The following RIF1 variants were observed in gnomAD, a reference collection of about 807,000 sequenced individuals.
RIF1 encodes telomere-associated protein RIF1.
Under a neutral mutation model 247.1 loss-of-function variants are expected in RIF1, and 45 were observed. The ratio of observed to expected loss-of-function variants is 0.18; its 90% CI spans 0.14 to 0.23. RIF1 has a LOEUF of 0.23. Among genes scored for constraint, RIF1 ranks in the 10% least tolerant of loss-of-function variants. The pLI, the probability that RIF1 is intolerant of heterozygous loss-of-function variation, is 1.00. For missense variants in RIF1, 2,967 were observed against 2,862.5 expected, an observed-to-expected ratio of 1.04 and a Z score of -0.83; for synonymous variants, 1,087 against 978.8, an observed-to-expected ratio of 1.11 and a Z score of -2.06.
chr2:151,530,279 G>A, the RIF1 span, among the ~76,000 whole-genome samples: 1 of 152,172 alleles, frequency 6.6e-6, no homozygotes, highest in Admixed American at 6.5e-5. Context: ...AGGAGGGAAA[G>A]GCACAGAGAA....
downstream of RIF1, among the ~76,000 whole-genome samples, chr2:151,484,808 A>G (rs922986683): frequency 1.3e-5 from 2 of 152,142 alleles, no homozygotes; most frequent in African/African-American, 2.4e-5. Flanking sequence ...CAAATTCCCT[A>G]AGGGCATCAA....
chr2:151,421,877 C>G (rs1386836064), intron 7 of RIF1, among the ~76,000 whole-genome samples: 1 of 151,672 alleles, frequency 6.6e-6, no homozygotes. Context: ...AATTGTTGCC[C>G]AGGCTGGAGT....
the RIF1 span, chr2:151,516,471 C>T: frequency 6.2e-7 from 1 of 1,611,146 alleles, no homozygotes; most frequent in Non-Finnish European, 8.5e-7. Flanking sequence ...CACTCTGCAT[C>T]TGCTGAGACT....
intron 35 of RIF1, 114 bp downstream of exon 35, chr2:151,474,186 GTT>G (rs2048796573): frequency 1.5e-6 from 1 of 664,016 alleles, no homozygotes; most frequent in African/African-American, 1.8e-5. Flanking sequence ...ATTATTTTAT[GTT>G]TAATGTGAAG....
chr2:151,516,464 T>C, the RIF1 span: 6 of 1,608,316 alleles, frequency 3.7e-6, no homozygotes, highest in East Asian at 1.3e-4. Context: ...CTTACCCCAC[T>C]CTGCATCTGC....
rs373646075 is a variant in RIF1 at position 151,437,073 on chromosome 2, GA to G, written c.1372+71del. 208 of 1,392,070 alleles carry G rather than the reference GA, an allele frequency of 1.5e-4. 1 individual carries two copies. In the East Asian group the frequency reaches 3.0e-3, roughly 20 times the overall value. The allele number at this position is 1,392,070 out of a possible 1,614,324, so 86.2% of individuals were successfully genotyped here. A position where few individuals can be genotyped will look rare whatever the true frequency, so the allele number is the denominator to read the frequency against. On this transcript the variant is annotated intron_variant, in intron 12 of 35. Coordinates refer to ENST00000444746, the MANE Select transcript of RIF1 (RefSeq NM_018151.5). The stretch of plus-strand genomic sequence containing the variant: ...AGGACTTAATGCATTGGGGTGAGGA[GA>G]GGTGTTATTTTGTCGCAGCCAAAAT...
chr2:151,414,171 A>G (rs1686783541), intron 3 of RIF1, among the ~76,000 whole-genome samples: 1 of 152,014 alleles, frequency 6.6e-6, no homozygotes, highest in Non-Finnish European at 1.5e-5. Flanking sequence ...AAATATAGGC[A>G]TGGTGGCGCG....
the RIF1 span, chr2:151,513,799 C>T: frequency 1.3e-6 from 1 of 781,508 alleles, no homozygotes; most frequent in Non-Finnish European, 2.1e-6. Context: ...CCAGTTGTCA[C>T]AGATAGTGTC....
Position 151,463,619 on chromosome 2 carries a change from T to G in RIF1, c.4099T>G (p.Leu1367Val), listed in dbSNP as rs2152498440. Residue 1367 changes from leucine to valine, a missense_variant, in exon 30 of 36, where the codon TTA becomes GTA. This residue lies in a region of RIF1 where 2,028 missense variants were observed against 1,825.6 expected (regional missense o/e 1.11). Transcript: ENST00000444746. ...LKAATVENAVLLETNTVEEKN... is the reference protein window; with the variant it reads ...LKAATVENAVVLETNTVEEKN... ...AGCAGCAACAGTGGAAAATGCTGTA[T>G]TATTGGAAACTAATACTGTAGAGGA... 6.2e-7 allele frequency: 1 copy of G among 1,613,774 alleles called. No homozygotes were observed. Among genetic ancestry groups the G allele is most frequent in the East Asian group, 2.2e-5 (1 of 44,860 alleles).
chr2:151,421,325 A>G (rs1461348782), intron 7 of RIF1, among the ~76,000 whole-genome samples: 1 of 152,218 alleles, frequency 6.6e-6, no homozygotes, highest in Admixed American at 6.5e-5. Context: ...GGACATTTGA[A>G]CAGTGATTTG....
intron 11 of RIF1, chr2:151,502,857 C>A: frequency 6.2e-7 from 1 of 1,602,958 alleles, no homozygotes; most frequent in Non-Finnish European, 8.5e-7. Context: ...TGTTGGGATT[C>A]CTTTCCCCAA....
At chr2:151,455,558 C>T (rs537319977) in intron 22 of RIF1, among the ~76,000 whole-genome samples, 2 of 151,944 alleles carry the variant, frequency 1.3e-5, no homozygotes, top group East Asian at 1.9e-4. Flanking sequence ...AACCCTGGAT[C>T]GAAACTATTT....
chr2:151,491,996 A>ATT, intron 9 of RIF1: 1 of 1,272,430 alleles, frequency 7.9e-7, no homozygotes, highest in South Asian at 1.4e-5. Context: ...AGAAAAACAG[A>ATT]TTGAAGTCCT....
chr2:151,443,506 A>AT (rs770170185), intron 17 of RIF1, 23 bp from the exon 18 acceptor site: 12 of 1,534,830 alleles, frequency 7.8e-6, no homozygotes, highest in Non-Finnish European at 1.0e-5. Flanking sequence ...AAGTTGATGC[A>AT]TTTTTTATAA....
intron 10 of RIF1, chr2:151,496,860 T>C (rs1210627369): frequency 2.2e-6 from 3 of 1,393,856 alleles, no homozygotes; most frequent in Admixed American, 2.4e-5. Context: ...CTTTAGAAAA[T>C]AGGATTAATA....
rs1045583906 is a variant in RIF1, at chr2:151,474,794, C to G, written c.7205-63C>G. On this transcript the variant is annotated intron_variant, in intron 35 of 35. Transcript: ENST00000444746. Reference sequence around the variant, plus strand: ...AGGCACTTGGACTAACTTAAAAGATCATGTAAAAAATTTAATTTTTGTCTG... The same window carrying G: ...AGGCACTTGGACTAACTTAAAAGATGATGTAAAAAATTTAATTTTTGTCTG... 5.4e-6 allele frequency: 5 copies of G among 929,734 alleles called. No homozygotes were observed. In the East Asian group the frequency reaches 7.8e-5, roughly 15 times the overall value. The allele number at this position is 929,734 out of a possible 1,614,324, so 57.6% of individuals were successfully genotyped here. A position where few individuals can be genotyped will look rare whatever the true frequency, so the allele number is the denominator to read the frequency against.
At chr2:151,429,430 C>G (rs1035503050) in intron 9 of RIF1, among the ~76,000 whole-genome samples, 15 of 152,222 alleles carry the variant, frequency 9.9e-5, no homozygotes, top group African/African-American at 3.6e-4. Flanking sequence ...ATCCGCCCTC[C>G]TTGGCCTCCC....
intron 9 of RIF1, among the ~76,000 whole-genome samples, chr2:151,429,261 A>C (rs541119442): frequency 2.0e-5 from 3 of 151,790 alleles, no homozygotes; most frequent in Non-Finnish European, 4.4e-5. Flanking sequence ...GTTCACTGCG[A>C]CCCCCGCCTC....
rs540795146 is a variant in RIF1, at chr2:151,440,730, G to T, written c.1647+603G>T. ...CAAGGGCTCTGGAGCATACTAGGTT[G>T]AATACCAGCCTAACTATTCATTAGC... is the stretch of plus-strand genomic sequence containing the variant. On this transcript the variant is annotated intron_variant, in intron 15 of 35. Transcript: ENST00000444746. Among the ~76,000 whole-genome samples the T allele has an allele frequency of 5.3e-5, 8 of 152,324 alleles. No homozygotes were observed. In the South Asian group the frequency reaches 1.7e-3, roughly 32 times the overall value.
Sources: gnomAD v4.1 joint callset for allele counts (sites outside exome capture counted in the v4.1 genomes callset) on GRCh38, gnomAD v4.1.1 for gene constraint, gnomAD v4.1.1 regional missense constraint, MANE v1.5 for transcripts, NCBI Gene and HGNC (gene_info 2026-07-23, HGNC 2026-07-21) for gene names.